Variants in GSE1 observed in about 807,000 individuals in gnomAD.
GSE1 encodes genetic suppressor element 1.
GSE1 carries 32 observed loss-of-function variants against 112.6 expected under a neutral mutation model. The observed-to-expected ratio is 0.28, with a 90% CI of 0.21 to 0.38. The LOEUF (loss-of-function observed/expected upper bound fraction) is 0.38. GSE1 is among the 10% of genes least tolerant of loss of function. The pLI, the probability that GSE1 is intolerant of heterozygous loss-of-function variation, is 1.00. For synonymous variants in GSE1, 1,115 were observed against 735.6 expected (o/e 1.52, Z -8.35); for missense variants, 2,348 against 1,699.2 (o/e 1.38, Z -6.71).
intron 2 of GSE1, among the ~76,000 whole-genome samples, chr16:85,379,199 C>G (rs983835308): frequency 6.6e-6 from 1 of 152,180 alleles, no homozygotes; most frequent in African/African-American, 2.4e-5. Flanking sequence ...ACCCTCCTCG[C>G]TGGGCCTCCT....
rs369056796 is a variant in GSE1 at position 85,584,938 on chromosome 16, C to T, written c.37+28575C>T. Among the ~76,000 whole-genome samples, 8 of 152,242 alleles carry T rather than the reference C, an allele frequency of 5.3e-5. No individual in the cohort carries two copies. In the East Asian group the frequency reaches 1.2e-3, roughly 22 times the overall value. Reference sequence around the variant, plus strand: ...ATCCACAACCTCCAAGGAGGCAAACCGTGGGGCCACGTGGCCCGGGTTGTC... The same window carrying T: ...ATCCACAACCTCCAAGGAGGCAAACTGTGGGGCCACGTGGCCCGGGTTGTC... On this transcript the variant is annotated intron_variant, in intron 1 of 2. Coordinates refer to the GSE1 transcript ENST00000635906.
intron 1 of GSE1, among the ~76,000 whole-genome samples, chr16:85,305,010 C>G (rs1277246103): frequency 1.3e-5 from 2 of 152,212 alleles, no homozygotes; most frequent in African/African-American, 4.8e-5. Context: ...AAGCCCACAT[C>G]CTGTTAGGAG....
intron 1 of GSE1, among the ~76,000 whole-genome samples, chr16:85,173,442 A>G (rs1182950575): frequency 2.0e-5 from 3 of 152,186 alleles, no homozygotes; most frequent in African/African-American, 7.2e-5. Context: ...GGGGAAATGT[A>G]AGTTCCCCCA....
intron 1 of GSE1, among the ~76,000 whole-genome samples, chr16:85,605,101 G>A (rs1410099113): frequency 6.6e-6 from 1 of 151,466 alleles, no homozygotes; most frequent in African/African-American, 2.4e-5. Context: ...ACAGATGTGA[G>A]CCACTGCGCC....
At chr16:85,260,319 C>CTT (rs111292010) in intron 1 of GSE1, among the ~76,000 whole-genome samples, 1,900 of 94,808 alleles carry the variant, frequency 0.02, 124 homozygotes, top group African/African-American at 0.058. Context: ...TTTTTCTTTT[C>CTT]TTTTTTTTTT....
At chr16:85,508,031 G>A (rs777991264) in intron 2 of GSE1, among the ~76,000 whole-genome samples, 18 of 152,058 alleles carry the variant, frequency 1.2e-4, no homozygotes, top group Middle Eastern at 3.2e-3. Flanking sequence ...TTCTAACTCC[G>A]TCACTTATTT....
chr16:85,208,802 G>C (rs1228835164), intron 1 of GSE1, among the ~76,000 whole-genome samples: 1 of 106,684 alleles, frequency 9.4e-6, no homozygotes, highest in Admixed American at 8.7e-5. Context: ...GTTCGCCTGT[G>C]TTGGGGTTTG....
At position 85,661,165 on chromosome 16, in the gene GSE1, G is replaced by A. The variant is rs370221162; in HGVS notation, c.1660G>A (p.Glu554Lys). 7 of 1,590,852 alleles carry A rather than the reference G, an allele frequency of 4.4e-6. No individual in the cohort carries two copies. The highest frequency in any genetic ancestry group is 2.3e-5 in the East Asian group (1 of 44,312). The change falls in exon 9 of 16, where the codon GAG becomes AAG. Residue 554 changes from glutamate to lysine, a missense_variant. Transcript: ENST00000253458. ...STTRPGPNRH[E>K]PGGRDPPQHF... ...CCCTAGGCCAGGACCAAACCGTCAC[G>A]AGCCAGGTGGCCGTGACCCTCCGCA...
intron 2 of GSE1, among the ~76,000 whole-genome samples, chr16:85,507,555 G>A (rs1188796387): frequency 6.6e-6 from 1 of 152,246 alleles, no homozygotes; most frequent in African/African-American, 2.4e-5. Flanking sequence ...CAGTTCTGGA[G>A]GCCAGGAGCC....
intron 1 of GSE1, among the ~76,000 whole-genome samples, chr16:85,326,721 A>G (rs777140330): frequency 6.6e-6 from 1 of 152,220 alleles, no homozygotes; most frequent in African/African-American, 2.4e-5. Flanking sequence ...CAGCGTGAGA[A>G]CAGACTAATA....
intron 1 of GSE1, among the ~76,000 whole-genome samples, chr16:85,335,997 C>T (rs570523668): frequency 2.6e-5 from 4 of 152,140 alleles, no homozygotes; most frequent in African/African-American, 7.2e-5. Flanking sequence ...AGGGCAGGAC[C>T]GCATACTAGG....
chr16:85,562,591 C>T (rs1465553580), intron 1 of GSE1, among the ~76,000 whole-genome samples: 10 of 152,200 alleles, frequency 6.6e-5, no homozygotes, highest in South Asian at 6.2e-4. Flanking sequence ...AGGGTGGGAG[C>T]GGCAGGTGGC....
intron 1 of GSE1, among the ~76,000 whole-genome samples, chr16:85,219,036 C>T (rs1443730427): frequency 6.6e-6 from 1 of 152,114 alleles, no homozygotes; most frequent in East Asian, 1.9e-4. Context: ...CCTGCCACCA[C>T]GACCGGCTAG....
intron 2 of GSE1, among the ~76,000 whole-genome samples, chr16:85,374,508 ATG>A (rs896978534): frequency 6.7e-5 from 9 of 135,220 alleles, no homozygotes; most frequent in African/African-American, 2.5e-4. Flanking sequence ...TCAGTGTATA[ATG>A]TGTGTCAGTG....
chr16:85,245,687 C>T (rs185039256), intron 1 of GSE1, among the ~76,000 whole-genome samples: 4 of 152,288 alleles, frequency 2.6e-5, no homozygotes, highest in Admixed American at 2.0e-4. Flanking sequence ...ATGAACCGGA[C>T]TCGTAACAGA....
rs183571597 is a variant in GSE1 at position 85,663,281 on chromosome 16, G to A, written c.2374-63G>A. Reference sequence around the variant, plus strand: ...TTCGAGGACCCCAGGAGGGGACCCCGGGACAGTGCAAGCATACCACTGCCA... The same window carrying A: ...TTCGAGGACCCCAGGAGGGGACCCCAGGACAGTGCAAGCATACCACTGCCA... On this transcript the variant is annotated intron_variant, in intron 10 of 15. Transcript: ENST00000253458. The A allele has an allele frequency of 4.8e-3, 7,592 of 1,567,458 alleles. 30 individuals carry two copies. The highest frequency in any genetic ancestry group is 6.1e-3 in the Non-Finnish European group (6,971 of 1,146,948).
intron 1 of GSE1, among the ~76,000 whole-genome samples, chr16:85,219,774 A>G (rs1437751298): frequency 6.6e-6 from 1 of 152,102 alleles, no homozygotes; most frequent in East Asian, 1.9e-4. Flanking sequence ...CCACAGCCCC[A>G]TGACTATGGG....
At chr16:85,307,134 G>A (rs992264396) in intron 1 of GSE1, among the ~76,000 whole-genome samples, 3 of 144,188 alleles carry the variant, frequency 2.1e-5, no homozygotes, top group Admixed American at 6.9e-5. Context: ...GCCCGCCCCC[G>A]ATAGTGGGGG....
chr16:85,305,279 GGAT>G (rs200693456), intron 1 of GSE1, among the ~76,000 whole-genome samples: 4 of 152,158 alleles, frequency 2.6e-5, no homozygotes, highest in African/African-American at 9.7e-5. Context: ...CTGGGCATCA[GGAT>G]GATGATGATG....
Sources: gnomAD v4.1 joint callset for allele counts (sites outside exome capture counted in the v4.1 genomes callset) on GRCh38, gnomAD v4.1.1 for gene constraint, MANE v1.5 for transcripts, NCBI Gene and HGNC (gene_info 2026-07-23, HGNC 2026-07-21) for gene names.